MCTP2: variants seen among roughly 807,000 people sequenced by gnomAD.
MCTP2 encodes the protein multiple C2 and transmembrane domain containing 2.
Under a neutral mutation model 111.6 loss-of-function variants are expected in MCTP2, and 132 were observed. That is an observed-to-expected ratio of 1.18 (90% CI 1.03 to 1.37). The LOEUF is 1.37. Among genes scored for constraint, MCTP2 ranks in the 40% most tolerant of loss-of-function variants. MCTP2 has a pLI of 0.00. For synonymous variants in MCTP2, 395 were observed against 387.7 expected (o/e 1.02, Z -0.22); for missense variants, 1,183 against 1,067.9 (o/e 1.11, Z -1.50).
chr15:94,298,980 T>C (rs1596300414), intron 2 of MCTP2, among the ~76,000 whole-genome samples: 1 of 61,822 alleles, frequency 1.6e-5, no homozygotes, highest in African/African-American at 6.6e-5. Context: ...CCTCTCCCTC[T>C]CCCTCTCCCT....
intron 12 of MCTP2, among the ~76,000 whole-genome samples, chr15:94,372,184 T>C (rs16949031): frequency 0.04 from 6,146 of 152,298 alleles, 437 homozygotes; most frequent in African/African-American, 0.14. Context: ...GAAATAATGC[T>C]GTGTGGTTCG....
At chr15:94,245,218 GTATATATACA>G (rs1567263214) in intron 1 of MCTP2, among the ~76,000 whole-genome samples, 8 of 138,500 alleles carry the variant, frequency 5.8e-5, no homozygotes, top group Non-Finnish European at 6.2e-5. Flanking sequence ...ATACATATGT[GTATATATACA>G]TATGTATGTA....
chr15:94,399,088 C>T (rs752559306), intron 15 of MCTP2, 26 bp downstream of exon 15: 45 of 1,161,354 alleles, frequency 3.9e-5, no homozygotes, highest in Middle Eastern at 1.9e-4. Context: ...TCATACTTCC[C>T]GGCTTTCCCG....
chr15:94,458,343 A>C, intron 20 of MCTP2, 97 bp downstream of exon 20: 1 of 752,312 alleles, frequency 1.3e-6, no homozygotes, highest in South Asian at 1.5e-5. Context: ...GGAGGCAAGA[A>C]AATACAAAAA....
chr15:94,434,186 C>G lies in MCTP2; in HGVS notation c.2086-5990C>G, dbSNP rs1395011673. Among the ~76,000 whole-genome samples the G allele has an allele frequency of 9.9e-5, 15 of 152,058 alleles. 1 individual carries two copies. The highest frequency in any genetic ancestry group is 3.4e-4 in the African/African-American group (14 of 41,470). ...GTGCAGTCATGGGTCACTGCATCCTCTAGCCTCTAGGCTTGAGTGATTTCT... is the reference window on the plus strand; with the variant it reads ...GTGCAGTCATGGGTCACTGCATCCTGTAGCCTCTAGGCTTGAGTGATTTCT... On this transcript the variant is annotated intron_variant, in intron 17 of 22. Coordinates refer to ENST00000357742, the MANE Select transcript of MCTP2 (RefSeq NM_001385001.1).
At chr15:94,323,674 C>G (rs1294279337) in intron 4 of MCTP2, among the ~76,000 whole-genome samples, 1 of 152,140 alleles carries the variant, frequency 6.6e-6, no homozygotes, top group African/African-American at 2.4e-5. Flanking sequence ...CTGTAGTGGT[C>G]TTTCTAAGAA....
At position 94,478,308 on chromosome 15, in the gene MCTP2, G is replaced by A. The variant is rs570390262; in HGVS notation, c.2569-658G>A. Reference sequence around the variant, plus strand: ...GGAGATGGCATGAACACAGAGAGATGCAGCAAAAGAACATTCCAGGAAGAT... The same window carrying A: ...GGAGATGGCATGAACACAGAGAGATACAGCAAAAGAACATTCCAGGAAGAT... On this transcript the variant is annotated intron_variant, in intron 22 of 22. Transcript: ENST00000357742. Among the ~76,000 whole-genome samples, 7 of 152,338 alleles carry A rather than the reference G, an allele frequency of 4.6e-5. No individual in the cohort carries two copies. In the East Asian group the frequency reaches 1.4e-3, roughly 29 times the overall value.
chr15:94,458,279 G>A (rs1312203984), intron 20 of MCTP2, 33 bp downstream of exon 20: 7 of 1,284,538 alleles, frequency 5.4e-6, no homozygotes, highest in East Asian at 2.3e-5. Context: ...GGTGTTTGCA[G>A]TAGACCTGCT....
chr15:94,235,815 A>T (rs2070498356), intron 1 of MCTP2, among the ~76,000 whole-genome samples: 1 of 152,198 alleles, frequency 6.6e-6, no homozygotes, highest in African/African-American at 2.4e-5. Context: ...TTCCTCTTTT[A>T]TCTTGCCTGG....
At chr15:94,447,322 G>A (rs577186493) in intron 19 of MCTP2, among the ~76,000 whole-genome samples, 1 of 152,312 alleles carries the variant, frequency 6.6e-6, no homozygotes, top group East Asian at 1.9e-4. Context: ...TGTTCATAGA[G>A]GAGGTCTTCT....
chr15:94,340,381 A>G, intron 6 of MCTP2, 106 bp downstream of exon 6: 1 of 839,832 alleles, frequency 1.2e-6, no homozygotes, highest in South Asian at 1.6e-5. Flanking sequence ...AACATATCTG[A>G]ACAAATGAAA....
At chr15:94,391,847 G>A (rs780619485) in intron 14 of MCTP2, among the ~76,000 whole-genome samples, 8 of 152,142 alleles carry the variant, frequency 5.3e-5, no homozygotes, top group Admixed American at 2.0e-4. Context: ...CAAGTAGAAA[G>A]CTGGGTGAAT....
intron 2 of MCTP2, among the ~76,000 whole-genome samples, chr15:94,299,432 T>C (rs2152337071): frequency 6.6e-6 from 1 of 152,284 alleles, no homozygotes; most frequent in Middle Eastern, 3.4e-3. Context: ...TTGACTGCCT[T>C]AGGATTTGAA....
chr15:94,479,351 C>G lies in MCTP2; in HGVS notation c.*317C>G. ...GAACACCACCTTCCTTGAGAACAGC[C>G]AGGAGCCCACTTGGATTCAAGAGTG... On this transcript the variant is annotated 3_prime_UTR_variant, in exon 23 of 23. Coordinates refer to ENST00000357742, the MANE Select transcript of MCTP2 (RefSeq NM_001385001.1). 1 of 358,950 alleles carries G rather than the reference C, an allele frequency of 2.8e-6. No homozygotes were observed. Among genetic ancestry groups the G allele is most frequent in the Admixed American group, 4.0e-5 (1 of 25,234 alleles). 22.2% of individuals were successfully genotyped at this position (358,950 alleles called of 1,614,324 possible).
chr15:94,245,716 GTATA>G (rs34856900), intron 1 of MCTP2, among the ~76,000 whole-genome samples: 1,493 of 139,748 alleles, frequency 0.011, 22 homozygotes, highest in African/African-American at 0.036. Context: ...GTGTGTGTGT[GTATA>G]TATATATATA....
intron 17 of MCTP2, among the ~76,000 whole-genome samples, chr15:94,408,304 AAG>A (rs997678303): frequency 8.3e-4 from 127 of 152,338 alleles, no homozygotes; most frequent in African/African-American, 2.7e-3. Flanking sequence ...TAACCAGAAG[AAG>A]AGGGGTTTTA....
At chr15:94,391,862 C>T (rs1359776861) in intron 14 of MCTP2, among the ~76,000 whole-genome samples, 1 of 152,000 alleles carries the variant, frequency 6.6e-6, no homozygotes, top group African/African-American at 2.4e-5. Context: ...GTGAATCACA[C>T]GTGGTAGATG....
chr15:94,350,849 A>G (rs1451491692), intron 8 of MCTP2, among the ~76,000 whole-genome samples: 1 of 152,112 alleles, frequency 6.6e-6, no homozygotes, highest in Non-Finnish European at 1.5e-5. Context: ...GTTGAATCAC[A>G]TGGCCCTTGT....
intron 19 of MCTP2, 143 bp downstream of exon 19, chr15:94,443,103 CTT>C (rs1381873714): frequency 3.9e-6 from 2 of 517,612 alleles, no homozygotes; most frequent in African/African-American, 4.1e-5. Flanking sequence ...ATTATTGTAA[CTT>C]TTAAAAAGGA....
Sources: gnomAD v4.1 joint callset for allele counts (sites outside exome capture counted in the v4.1 genomes callset) on GRCh38, gnomAD v4.1.1 for gene constraint, MANE v1.5 for transcripts, NCBI Gene and HGNC (gene_info 2026-07-23, HGNC 2026-07-21) for gene names.